SORCS3: variants seen among roughly 807,000 people sequenced by gnomAD.
SORCS3 encodes VPS10 domain-containing receptor SorCS3.
Under a neutral mutation model 146.3 loss-of-function variants are expected in SORCS3, and 57 were observed. That is an observed-to-expected ratio of 0.39 (90% confidence interval 0.31 to 0.49). The LOEUF is 0.49. Among genes scored for constraint, SORCS3 ranks in the 20% least tolerant of loss-of-function variants. The pLI is 0.92. For synonymous variants in SORCS3, 653 were observed against 618.5 expected, an observed-to-expected ratio of 1.06 and a Z score of -0.83; for missense variants, 1,341 against 1,575.5, an observed-to-expected ratio of 0.85 and a Z score of 2.52.
At chr10:105,069,463 G>A (rs1049910721) in intron 5 of SORCS3, among the ~76,000 whole-genome samples, 4 of 152,142 alleles carry the variant, frequency 2.6e-5, no homozygotes, top group African/African-American at 9.7e-5. Flanking sequence ...GCCTAATGTC[G>A]ATAATAATGC....
At chr10:104,822,671 G>A (rs2017887786) in intron 1 of SORCS3, among the ~76,000 whole-genome samples, 1 of 152,168 alleles carries the variant, frequency 6.6e-6, no homozygotes, top group Admixed American at 6.5e-5. Context: ...AAAGACTGGA[G>A]GAGAGCAATT....
intron 7 of SORCS3, among the ~76,000 whole-genome samples, chr10:105,117,096 C>A (rs2133762113): frequency 6.6e-6 from 1 of 151,914 alleles, no homozygotes; most frequent in African/African-American, 2.4e-5. Flanking sequence ...GTCAGGTAGG[C>A]AAGTCTGAGC....
intron 9 of SORCS3, among the ~76,000 whole-genome samples, chr10:105,152,260 T>C (rs2056173081): frequency 6.6e-6 from 1 of 152,196 alleles, no homozygotes; most frequent in Admixed American, 6.6e-5. Flanking sequence ...GTCAAATACA[T>C]ACATAAGGTG....
intron 1 of SORCS3, among the ~76,000 whole-genome samples, chr10:104,804,877 A>G (rs2017663975): frequency 6.6e-6 from 1 of 152,186 alleles, no homozygotes; most frequent in African/African-American, 2.4e-5. Context: ...TGTGTGCCTT[A>G]GGAAAGGGTG....
At chr10:104,735,454 CTGT>C (rs1198532217) in intron 1 of SORCS3, among the ~76,000 whole-genome samples, 10 of 14,872 alleles carry the variant, frequency 6.7e-4, no homozygotes, top group Non-Finnish European at 8.2e-4. Context: ...CTCTCACCGT[CTGT>C]TTTTTTTTTT....
At chr10:104,760,595 G>A (rs2017109118) in intron 1 of SORCS3, among the ~76,000 whole-genome samples, 1 of 152,232 alleles carries the variant, frequency 6.6e-6, no homozygotes, top group Non-Finnish European at 1.5e-5. Context: ...GCATATTATT[G>A]TAATAACTTT....
chr10:104,985,328 G>A (rs754368800), intron 4 of SORCS3, among the ~76,000 whole-genome samples: 15 of 152,114 alleles, frequency 9.9e-5, no homozygotes, highest in Non-Finnish European at 1.9e-4. Flanking sequence ...CTCCTTATCT[G>A]TTCAAGTTTT....
chr10:104,860,687 G>T (rs1401566685), intron 2 of SORCS3, among the ~76,000 whole-genome samples: 2 of 152,144 alleles, frequency 1.3e-5, no homozygotes, highest in African/African-American at 2.4e-5. Flanking sequence ...CTTTACATAT[G>T]TTTAACTCAT....
intron 1 of SORCS3, among the ~76,000 whole-genome samples, chr10:104,710,164 G>A (rs768889928): frequency 1.1e-4 from 17 of 152,136 alleles, no homozygotes; most frequent in Admixed American, 2.6e-4. Flanking sequence ...ATCAAAGACA[G>A]CCAACGTCTT....
intron 17 of SORCS3, among the ~76,000 whole-genome samples, chr10:105,212,998 G>C (rs1274873103): frequency 6.6e-6 from 1 of 152,110 alleles, no homozygotes; most frequent in Non-Finnish European, 1.5e-5. Flanking sequence ...TTTTAATAAT[G>C]TTTTCTTTAA....
At chr10:104,934,124 C>T (rs1331639860) in intron 3 of SORCS3, among the ~76,000 whole-genome samples, 1 of 152,128 alleles carries the variant, frequency 6.6e-6, no homozygotes, top group Non-Finnish European at 1.5e-5. Context: ...CCAGACACCC[C>T]ACTATTTCAC....
intron 11 of SORCS3, among the ~76,000 whole-genome samples, chr10:105,160,274 G>A (rs529097158): frequency 3.9e-5 from 6 of 152,062 alleles, no homozygotes; most frequent in Non-Finnish European, 7.3e-5. Flanking sequence ...TGGCAAAGTG[G>A]GCATAATAGT....
intron 2 of SORCS3, among the ~76,000 whole-genome samples, chr10:104,887,173 C>T (rs2018697615): frequency 6.6e-6 from 1 of 152,172 alleles, no homozygotes; most frequent in Non-Finnish European, 1.5e-5. Flanking sequence ...GGCATAGACA[C>T]TTTGCAGTTC....
intron 4 of SORCS3, among the ~76,000 whole-genome samples, chr10:105,002,809 G>A (rs187732487): frequency 2.6e-5 from 4 of 152,140 alleles, no homozygotes; most frequent in African/African-American, 9.7e-5. Flanking sequence ...GTATGTACTT[G>A]AGTACGTTCC....
intron 1 of SORCS3, among the ~76,000 whole-genome samples, chr10:104,841,380 A>G (rs1193888688): frequency 6.6e-6 from 1 of 152,198 alleles, no homozygotes; most frequent in African/African-American, 2.4e-5. Flanking sequence ...TGTGGTAGGT[A>G]GTAGGACAGG....
chr10:105,088,233 T>C (rs1468766756), intron 5 of SORCS3, among the ~76,000 whole-genome samples: 1 of 152,324 alleles, frequency 6.6e-6, no homozygotes, highest in East Asian at 1.9e-4. Flanking sequence ...GTGCCTCAAT[T>C]TCTCCTTCAG....
intron 5 of SORCS3, among the ~76,000 whole-genome samples, chr10:105,087,871 G>T: frequency 6.6e-6 from 1 of 152,190 alleles, no homozygotes; most frequent in East Asian, 1.9e-4. Flanking sequence ...CTGACACCTT[G>T]GTCCCATCTG....
chr10:105,133,270 C>T (rs1380070685), intron 7 of SORCS3, among the ~76,000 whole-genome samples: 2 of 152,178 alleles, frequency 1.3e-5, no homozygotes, highest in Non-Finnish European at 2.9e-5. Flanking sequence ...AGTCAGTATC[C>T]AATGGAGGAA....
At chr10:104,898,060 C>T (rs2018817086) in intron 2 of SORCS3, among the ~76,000 whole-genome samples, 1 of 152,140 alleles carries the variant, frequency 6.6e-6, no homozygotes, top group African/African-American at 2.4e-5. Context: ...CTTCCAGTTT[C>T]TTTATGGAGT....
Sources: gnomAD v4.1 joint callset for allele counts (sites outside exome capture counted in the v4.1 genomes callset) on GRCh38, gnomAD v4.1.1 for gene constraint, MANE v1.5 for transcripts, NCBI Gene and HGNC (gene_info 2026-07-23, HGNC 2026-07-21) for gene names.